Variants in CYP3A7 observed in about 807,000 individuals in gnomAD.
CYP3A7 encodes the protein cytochrome P450 3A7.
A neutral mutation model predicts 55.2 loss-of-function variants in CYP3A7; 45 were observed. That is an observed-to-expected ratio of 0.82 (90% CI 0.64 to 1.05). The LOEUF (loss-of-function observed/expected upper bound fraction) is 1.05. CYP3A7 is among the 50% of genes least tolerant of loss of function. CYP3A7 has a pLI of 0.00. For synonymous variants in CYP3A7, 180 were observed against 207.4 expected (o/e 0.87, Z 1.13); for missense variants, 548 against 605.3 (o/e 0.91, Z 0.99).
intron 12 of CYP3A7, 39 bp from the exon 13 acceptor site, chr7:99,705,634 A>G (rs367570757): frequency 6.6e-5 from 106 of 1,608,188 alleles, no homozygotes; most frequent in Non-Finnish European, 6.8e-6. Flanking sequence ...AGCATTAAAT[A>G]AAGCAAAAGT....
intron 2 of CYP3A7, among the ~76,000 whole-genome samples, chr7:99,723,947 C>G (rs1814308484): frequency 6.6e-6 from 1 of 152,214 alleles, no homozygotes; most frequent in Admixed American, 6.5e-5. Context: ...TCAGAGGTAT[C>G]TGATCACTGT....
intron 9 of CYP3A7, among the ~76,000 whole-genome samples, chr7:99,713,246 A>C (rs962687360): frequency 1.3e-5 from 2 of 152,182 alleles, no homozygotes; most frequent in Non-Finnish European, 2.9e-5. Flanking sequence ...TCTTCCTGGC[A>C]TGCCAGTTTT....
At chr7:99,726,267 A>G (rs1377274797) in intron 2 of CYP3A7, among the ~76,000 whole-genome samples, 2 of 152,098 alleles carry the variant, frequency 1.3e-5, no homozygotes, top group Non-Finnish European at 2.9e-5. Flanking sequence ...ATCCCATCCC[A>G]CAAGAGGCTT....
Position 99,727,467 on chromosome 7 carries a change from A to T in CYP3A7, c.165+3592T>A, listed in dbSNP as rs562463917. 3.6e-4 allele frequency among the ~76,000 whole-genome samples: 55 copies of T among 152,132 alleles called. 2 individuals are homozygous for T. The South Asian group carries it at 0.011, about 32-fold the overall frequency. The stretch of plus-strand genomic sequence containing the variant: ...ACTCTCTGTTGAGTCTCCCACAATT[A>T]CCATTGTACCTGGCCTGGGCTTCAG... On this transcript the variant is annotated intron_variant, in intron 2 of 12. Coordinates refer to ENST00000336374, the MANE Select transcript of CYP3A7 (RefSeq NM_000765.5).
At chr7:99,725,191 C>T (rs1814362538) in intron 2 of CYP3A7, among the ~76,000 whole-genome samples, 1 of 152,140 alleles carries the variant, frequency 6.6e-6, no homozygotes, top group Non-Finnish European at 1.5e-5. Flanking sequence ...AGTTCATGGC[C>T]CACTTAGCAC....
chr7:99,735,150 T>C lies in CYP3A7; in HGVS notation c.-57A>G. 6.2e-7 allele frequency: 1 copy of C among 1,608,962 alleles called. No homozygotes were observed. On this transcript the variant is annotated 5_prime_UTR_variant, in exon 1 of 13. Coordinates refer to ENST00000336374, the MANE Select transcript of CYP3A7 (RefSeq NM_000765.5). Reference sequence around the variant, plus strand: ...AGTCTTTTTTTCAGCAGCGTGCTGCTGTTTGCTGGGCTGTGTGTGTGGAGC... The same window carrying C: ...AGTCTTTTTTTCAGCAGCGTGCTGCCGTTTGCTGGGCTGTGTGTGTGGAGC...
intron 2 of CYP3A7, among the ~76,000 whole-genome samples, chr7:99,727,597 T>C (rs946235104): frequency 7.2e-5 from 11 of 152,158 alleles, no homozygotes; most frequent in African/African-American, 2.7e-4. Context: ...TTCTTTCCTG[T>C]TTTTCACCTG....
chr7:99,720,473 AC>A, intron 3 of CYP3A7, 61 bp from the exon 4 acceptor site: 1 of 1,594,232 alleles, frequency 6.3e-7, no homozygotes, highest in Non-Finnish European at 8.6e-7. Flanking sequence ...CTGGAGCCAA[AC>A]CCAGGAAGCC....
At chr7:99,705,664 TAA>T (rs4646467) in intron 12 of CYP3A7, 69 bp from the exon 13 acceptor site, 2 of 1,560,238 alleles carry the variant, frequency 1.3e-6, no homozygotes, top group Non-Finnish European at 1.8e-6. Context: ...AGCATCAAAG[TAA>T]AAAAAAATTA....
intron 4 of CYP3A7, 68 bp downstream of exon 4, chr7:99,720,245 T>C: frequency 4.4e-6 from 7 of 1,576,106 alleles, no homozygotes; most frequent in Non-Finnish European, 6.0e-6. Flanking sequence ...TCTATGAATA[T>C]ATAAGAATTT....
chr7:99,734,773 T>A (rs1814765304), intron 1 of CYP3A7, among the ~76,000 whole-genome samples: 1 of 151,888 alleles, frequency 6.6e-6, no homozygotes, highest in Non-Finnish European at 1.5e-5. Flanking sequence ...AGTTATGCAC[T>A]ACCATGCCCA....
chr7:99,714,718 T>C (rs1292314445), intron 7 of CYP3A7, 36 bp from the exon 8 acceptor site: 3 of 1,603,260 alleles, frequency 1.9e-6, no homozygotes, highest in Middle Eastern at 1.7e-4. Flanking sequence ...AACGAAACCA[T>C]TGTGAACATA....
chr7:99,715,359 G>T, intron 7 of CYP3A7: 1 of 241,994 alleles, frequency 4.1e-6, no homozygotes, highest in South Asian at 5.7e-5. Context: ...CACAGTAAAC[G>T]GAGAAGGGCA....
intron 2 of CYP3A7, 40 bp downstream of exon 2, chr7:99,731,019 C>A (rs373862512): frequency 6.2e-7 from 1 of 1,609,836 alleles, no homozygotes; most frequent in African/African-American, 1.3e-5. Context: ...TTGCTCTTTG[C>A]AATCATAAGA....
At chr7:99,719,675 C>T (rs765436454) in intron 4 of CYP3A7, among the ~76,000 whole-genome samples, 1 of 152,036 alleles carries the variant, frequency 6.6e-6, no homozygotes, top group Non-Finnish European at 1.5e-5. Context: ...GAAAAACACT[C>T]GTGACTGTAG....
At position 99,714,443 on chromosome 7, in the gene CYP3A7, T is replaced by C. The variant is rs1813861946; in HGVS notation, c.798+112A>G. 9.3e-6 allele frequency: 14 copies of C among 1,503,322 alleles called. 1 individual carries two copies. The South Asian group carries it at 1.7e-4, about 18-fold the overall frequency. The allele number at this position is 1,503,322 out of a possible 1,614,324, so 93.1% of individuals were successfully genotyped here. ...TATCTTGCTCTAAACATAAGTACTCTTTATGTTAAAATCTTTCTCTAAAAA... is the reference window on the plus strand; with the variant it reads ...TATCTTGCTCTAAACATAAGTACTCCTTATGTTAAAATCTTTCTCTAAAAA... On this transcript the variant is annotated intron_variant, in intron 8 of 12. Transcript: ENST00000336374.
At position 99,705,548 on chromosome 7, in the gene CYP3A7, G is replaced by C; in HGVS notation, c.1464C>G (p.Pro488=). 6.2e-7 allele frequency: 1 copy of C among 1,613,640 alleles called. No homozygotes were observed. The highest frequency in any genetic ancestry group is 8.5e-7 in the Non-Finnish European group (1 of 1,179,702). ...RFGGLLLTEK[P]IVLKAESRDE... The stretch of plus-strand genomic sequence containing the variant: ...CCCTTGACTCAGCCTTTAGAACAAT[G>C]GGTTTTTCTGTTAGAAGAAGTCCTC... The change falls in exon 13 of 13, where the codon CCC becomes CCG. Residue 488 remains proline, a synonymous_variant. Coordinates refer to ENST00000336374, the MANE Select transcript of CYP3A7 (RefSeq NM_000765.5).
At position 99,729,211 on chromosome 7, in the gene CYP3A7, T is replaced by C. The variant is rs1814531916; in HGVS notation, c.165+1848A>G. ...GGGACTTGTGTCTTCAATTGGTTTC[T>C]CAATTAATATAAAAACACATTCAGA... On this transcript the variant is annotated intron_variant, in intron 2 of 12. Transcript: ENST00000336374. 2.0e-5 allele frequency among the ~76,000 whole-genome samples: 3 copies of C among 152,184 alleles called. No homozygotes were observed. In the South Asian group the frequency reaches 6.2e-4, roughly 32 times the overall value.
intron 2 of CYP3A7, among the ~76,000 whole-genome samples, chr7:99,723,418 C>CT (rs1391694875): frequency 4.6e-5 from 7 of 152,214 alleles, no homozygotes; most frequent in Non-Finnish European, 1.0e-4. Flanking sequence ...TTAACTGCAA[C>CT]TTTCCACTGC....
Sources: gnomAD v4.1 joint callset for allele counts (sites outside exome capture counted in the v4.1 genomes callset) on GRCh38, gnomAD v4.1.1 for gene constraint, MANE v1.5 for transcripts, NCBI Gene and HGNC (gene_info 2026-07-23, HGNC 2026-07-21) for gene names.